The following STK10 variants were observed in gnomAD, a reference collection of about 807,000 sequenced individuals.
STK10 encodes the protein serine/threonine kinase 10.
A neutral mutation model predicts 113.8 loss-of-function variants in STK10; 78 were observed. The ratio of observed to expected loss-of-function variants is 0.69; its 90% CI spans 0.57 to 0.83. The LOEUF (loss-of-function observed/expected upper bound fraction) is 0.83, where lower values mean the gene tolerates loss of function less well. Among genes scored for constraint, STK10 ranks in the 40% least tolerant of loss-of-function variants. The pLI is 0.00. For missense variants in STK10, 1,109 were observed against 1,280.1 expected (o/e 0.87, Z 2.04); for synonymous variants, 465 against 494.7 (o/e 0.94, Z 0.80).
rs1203775729 is a variant in STK10 at position 172,043,879 on chromosome 5, G to A, written c.*1003C>T. The A allele has an allele frequency of 2.0e-5, 3 of 152,462 alleles. No homozygotes were observed. In the East Asian group the frequency reaches 5.8e-4, roughly 29 times the overall value. The allele number at this position is 152,462 out of a possible 1,614,324, so 9.4% of individuals were successfully genotyped here. A position where few individuals can be genotyped will look rare whatever the true frequency, so the allele number is the denominator to read the frequency against. ...TGAACACAGTCGGGGGGATGGGGCA[G>A]AGGCAAACAGCCCTCCTGTTTCACC... On this transcript the variant is annotated 3_prime_UTR_variant, in exon 19 of 19. Coordinates refer to ENST00000176763, the MANE Select transcript of STK10 (RefSeq NM_005990.4).
intron 12 of STK10, among the ~76,000 whole-genome samples, chr5:172,071,251 A>T (rs1768174947): frequency 7.6e-6 from 1 of 132,202 alleles, no homozygotes; most frequent in African/African-American, 2.8e-5. Flanking sequence ...AGAAATAGGT[A>T]TTTCATTGGA....
intron 13 of STK10, 40 bp from the exon 14 acceptor site, chr5:172,061,308 G>T (rs751184848): frequency 6.3e-7 from 1 of 1,576,016 alleles, no homozygotes; most frequent in Non-Finnish European, 8.6e-7. Flanking sequence ...TCCAGAGCCG[G>T]CTTGGGCACC....
intron 1 of STK10, among the ~76,000 whole-genome samples, chr5:172,165,059 G>A (rs759047140): frequency 1.1e-4 from 16 of 152,132 alleles, no homozygotes; most frequent in Non-Finnish European, 1.9e-4. Flanking sequence ...CCTCCCAGCC[G>A]GGGACACTGC....
Position 172,064,788 on chromosome 5 carries a change from G to A in STK10, c.2014C>T (p.Pro672Ser), listed in dbSNP as rs770403355. 8.1e-6 allele frequency: 13 copies of A among 1,613,748 alleles called. No individual in the cohort carries two copies. The highest frequency in any genetic ancestry group is 6.7e-5 in the Admixed American group (4 of 59,970). ...ATGCTTTCCTTCCGCTGCTGTCGGGGGAGCTTCTCCACCTCGTTCTTCACC... is the reference window on the plus strand; with the variant it reads ...ATGCTTTCCTTCCGCTGCTGTCGGGAGAGCTTCTCCACCTCGTTCTTCACC... ...KEVKNEVEKLPRQQRKESMKQ... is the reference protein window; with the variant it reads ...KEVKNEVEKLSRQQRKESMKQ... Residue 672 changes from proline to serine, a missense_variant, in exon 13 of 19, where the codon CCC becomes TCC. Physicochemically the swap from Pro to Ser is moderately conservative, Grantham distance 74. Coordinates refer to ENST00000176763, the MANE Select transcript of STK10 (RefSeq NM_005990.4).
intron 1 of STK10, among the ~76,000 whole-genome samples, chr5:172,164,652 G>C (rs1355301806): frequency 6.6e-6 from 1 of 152,130 alleles, no homozygotes; most frequent in Non-Finnish European, 1.5e-5. Flanking sequence ...CCCCTATATG[G>C]GGGAGGATGG....
At chr5:172,112,945 A>G (rs1769272544) in intron 4 of STK10, among the ~76,000 whole-genome samples, 1 of 151,014 alleles carries the variant, frequency 6.6e-6, no homozygotes, top group Admixed American at 6.6e-5. Context: ...GGGGGGTTTC[A>G]TCATGTTGGT....
chr5:172,112,179 GCTGA>G (rs1423642275), intron 4 of STK10, among the ~76,000 whole-genome samples: 1 of 152,212 alleles, frequency 6.6e-6, no homozygotes, highest in Non-Finnish European at 1.5e-5. Context: ...CAAACATGTT[GCTGA>G]CTGACTGATG....
At chr5:172,087,400 G>C (rs1029011735) in intron 10 of STK10, among the ~76,000 whole-genome samples, 2 of 151,288 alleles carry the variant, frequency 1.3e-5, no homozygotes, top group Admixed American at 6.6e-5. Context: ...TCAGCCTCCC[G>C]AGTAGCTGGG....
In STK10 at chr5:172,058,609, G is replaced by C. The variant is rs1050231763; in HGVS notation, c.2213-1136C>G. Among the ~76,000 whole-genome samples, 3 of 152,174 alleles carry C rather than the reference G, an allele frequency of 2.0e-5. No individual in the cohort carries two copies. The South Asian group carries it at 6.2e-4, about 32-fold the overall frequency. ...GTTATTTTTAAAACATAATATGTAC[G>C]GCCAGGCACAGTGGCTCACACCGTA... On this transcript the variant is annotated intron_variant, in intron 14 of 18. Coordinates refer to ENST00000176763, the MANE Select transcript of STK10 (RefSeq NM_005990.4).
At chr5:172,114,561 C>T (rs1434497814) in intron 4 of STK10, 1 of 133,900 alleles carries the variant, frequency 7.5e-6, no homozygotes, top group Non-Finnish European at 1.5e-5. Flanking sequence ...CGGCTCACTG[C>T]AAGCTCCGCC....
intron 1 of STK10, among the ~76,000 whole-genome samples, chr5:172,177,639 C>T (rs1770781694): frequency 6.6e-6 from 1 of 152,234 alleles, no homozygotes; most frequent in Non-Finnish European, 1.5e-5. Context: ...AAGAATACAA[C>T]ACATTGCTTT....
chr5:172,068,665 C>CA (rs1484927057), intron 12 of STK10, among the ~76,000 whole-genome samples: 3 of 152,032 alleles, frequency 2.0e-5, no homozygotes, highest in Non-Finnish European at 4.4e-5. Flanking sequence ...AGATATAATA[C>CA]ATGTGATAGG....
rs570526426 is a variant in STK10, at chr5:172,127,477, G to A, written c.322-56C>T. The stretch of plus-strand genomic sequence containing the variant: ...AGTGGGGCTGCCCAGCCGTCGAGAC[G>A]GGAACCCCACAGGCCCATTGGGCAG... On this transcript the variant is annotated intron_variant, in intron 2 of 18. Transcript: ENST00000176763. 45 of 1,593,056 alleles carry A rather than the reference G, an allele frequency of 2.8e-5. No homozygotes were observed. In the Middle Eastern group the frequency reaches 8.3e-4, roughly 29 times the overall value.
intron 10 of STK10, among the ~76,000 whole-genome samples, chr5:172,086,529 G>A (rs1489210533): frequency 6.6e-6 from 1 of 152,218 alleles, no homozygotes; most frequent in African/African-American, 2.4e-5. Flanking sequence ...CAAGAGCGAG[G>A]GAACGGCAGA....
rs533984019 is a variant in STK10 at position 172,161,172 on chromosome 5, C to T, written c.157-4384G>A. Among the ~76,000 whole-genome samples the T allele has an allele frequency of 3.9e-5, 6 of 152,250 alleles. No homozygotes were observed. The South Asian group carries it at 1.2e-3, about 32-fold the overall frequency. On this transcript the variant is annotated intron_variant, in intron 1 of 18. Coordinates refer to ENST00000176763, the MANE Select transcript of STK10 (RefSeq NM_005990.4). ...GAAGGAAGCAATACTAAGGGGTGGG[C>T]CGGGTGTGGTGGCGCACGCCTGTAA...
intron 2 of STK10, among the ~76,000 whole-genome samples, chr5:172,141,343 G>A (rs923119882): frequency 1.3e-5 from 2 of 152,114 alleles, no homozygotes; most frequent in African/African-American, 4.8e-5. Flanking sequence ...TTGGGAGGCC[G>A]AGGCGGGAAG....
At chr5:172,146,765 A>G (rs529024963) in intron 2 of STK10, among the ~76,000 whole-genome samples, 1 of 152,364 alleles carries the variant, frequency 6.6e-6, no homozygotes, top group East Asian at 1.9e-4. Context: ...CTGTTGAGGA[A>G]TAACTTTCAA....
At chr5:172,104,658 A>G (rs11749706) in intron 7 of STK10, among the ~76,000 whole-genome samples, 15,171 of 152,212 alleles carry the variant, frequency 0.1, 864 homozygotes, top group East Asian at 0.13. Flanking sequence ...GCAGAAAATA[A>G]CACAGCAAGC....
intron 12 of STK10, among the ~76,000 whole-genome samples, chr5:172,076,166 G>A (rs1206411574): frequency 6.7e-6 from 1 of 149,312 alleles, no homozygotes; most frequent in South Asian, 2.1e-4. Context: ...TTGTTGTGGG[G>A]GCTGTCCTGT....
Sources: allele counts gnomAD v4.1 joint callset (sites outside exome capture counted in the v4.1 genomes callset), GRCh38; gene constraint gnomAD v4.1.1; transcripts MANE v1.5; gene names NCBI Gene and HGNC (gene_info 2026-07-23, HGNC 2026-07-21).